CSMD1: variants seen among roughly 807,000 people sequenced by gnomAD.
The protein encoded by CSMD1 is CUB and sushi domain-containing protein 1.
CSMD1 carries 213 observed loss-of-function variants against 417.5 expected under a neutral mutation model. The ratio of observed to expected loss-of-function variants is 0.51; its 90% CI spans 0.46 to 0.57. The LOEUF (loss-of-function observed/expected upper bound fraction) is 0.57, where lower values mean the gene tolerates loss of function less well. CSMD1 is among the 20% of genes least tolerant of loss of function. CSMD1 has a pLI of 0.00. For missense variants in CSMD1, 6,923 were observed against 4,529.7 expected (o/e 1.53, Z -15.17); for synonymous variants, 2,862 against 1,736.8 (o/e 1.65, Z -16.11).
At chr8:3,402,609 T>C (rs1161539) in intron 15 of CSMD1, among the ~76,000 whole-genome samples, 48,323 of 152,068 alleles carry the variant, frequency 0.32, 8,228 homozygotes, top group East Asian at 0.63. Flanking sequence ...ATAAAAAAAT[T>C]GCTCTATTGT....
chr8:4,771,368 T>G (rs77735325), intron 1 of CSMD1, among the ~76,000 whole-genome samples: 1 of 152,238 alleles, frequency 6.6e-6, no homozygotes, highest in Non-Finnish European at 1.5e-5. Flanking sequence ...CTTTGGGCCC[T>G]CTTCAGGGAA....
chr8:4,399,763 T>C (rs1804524572), intron 3 of CSMD1, among the ~76,000 whole-genome samples: 1 of 152,196 alleles, frequency 6.6e-6, no homozygotes, highest in Non-Finnish European at 1.5e-5. Context: ...GCTCCTGAAT[T>C]TTCCTCATGT....
intron 2 of CSMD1, among the ~76,000 whole-genome samples, chr8:4,601,334 A>T (rs1800569024): frequency 6.6e-6 from 1 of 152,120 alleles, no homozygotes; most frequent in African/African-American, 2.4e-5. Flanking sequence ...CCCCTTGGAG[A>T]CAGAGGTGGA....
intron 3 of CSMD1, among the ~76,000 whole-genome samples, chr8:4,228,913 T>G (rs1801532608): frequency 6.6e-6 from 1 of 151,976 alleles, no homozygotes; most frequent in African/African-American, 2.4e-5. Flanking sequence ...AACTCCTGAC[T>G]GCCTCGGTCT....
At position 4,532,852 on chromosome 8, in the gene CSMD1, T is replaced by A. The variant is rs181080256; in HGVS notation, c.302+104490A>T. On this transcript the variant is annotated intron_variant, in intron 2 of 69. Coordinates refer to ENST00000635120, the MANE Select transcript of CSMD1 (RefSeq NM_033225.6). ...TTCAGTCACTCCGGAAAAGAAATGT[T>A]GCACCCCCATTCAGTCACTCCGGAA... Among the ~76,000 whole-genome samples, 5 of 143,204 alleles carry A rather than the reference T, an allele frequency of 3.5e-5. No homozygotes were observed. The East Asian group carries it at 1.1e-3, about 32-fold the overall frequency. The allele number at this position is 143,204 out of a possible 152,430, so 93.9% of individuals were successfully genotyped here. A position where few individuals can be genotyped will look rare whatever the true frequency, so the allele number is the denominator to read the frequency against.
intron 1 of CSMD1, among the ~76,000 whole-genome samples, chr8:4,834,977 AAAAGAAAGAAAG>A (rs1162672231): frequency 0.016 from 506 of 32,140 alleles, 15 homozygotes; most frequent in African/African-American, 0.025. Flanking sequence ...AAAAAAAAAA[AAAAGAAAGAAAG>A]AAAGAAAGAA....
At position 3,930,357 on chromosome 8, in the gene CSMD1, T is replaced by C. The variant is rs1262927036; in HGVS notation, c.818+67546A>G. ...CTGCCAGCCATAATAAAGAAATCAA[T>C]GTATTTTATGTTCTTAGCTCACACA... On this transcript the variant is annotated intron_variant, in intron 5 of 69. Transcript: ENST00000635120. 3.3e-5 allele frequency among the ~76,000 whole-genome samples: 5 copies of C among 150,642 alleles called. 1 individual carries two copies. The highest frequency in any genetic ancestry group is 4.9e-5 in the African/African-American group (2 of 40,850).
At chr8:3,716,561 C>G (rs1359424313) in intron 6 of CSMD1, among the ~76,000 whole-genome samples, 1 of 152,134 alleles carries the variant, frequency 6.6e-6, no homozygotes, top group Non-Finnish European at 1.5e-5. Context: ...TCGTCCCCGT[C>G]TTGGTTTCGG....
intron 3 of CSMD1, among the ~76,000 whole-genome samples, chr8:4,121,785 T>C (rs924895102): frequency 6.6e-6 from 1 of 152,030 alleles, no homozygotes; most frequent in Admixed American, 6.6e-5. Context: ...AATATTACAG[T>C]ACATCACTTA....
At chr8:3,020,854 T>C (rs1036646747) in intron 51 of CSMD1, among the ~76,000 whole-genome samples, 1 of 152,240 alleles carries the variant, frequency 6.6e-6, no homozygotes, top group Admixed American at 6.5e-5. Context: ...ATTGCTAAAC[T>C]ATTACAGTGT....
chr8:3,289,037 T>C (rs1417532373), intron 25 of CSMD1, among the ~76,000 whole-genome samples: 1 of 146,942 alleles, frequency 6.8e-6, no homozygotes, highest in Non-Finnish European at 1.5e-5. Flanking sequence ...CCGTGTGTTC[T>C]CATTGTTCAA....
chr8:4,468,553 C>T (rs1258854570), intron 2 of CSMD1, among the ~76,000 whole-genome samples: 1 of 152,150 alleles, frequency 6.6e-6, no homozygotes, highest in African/African-American at 2.4e-5. Flanking sequence ...CTCTTGTCCC[C>T]AGCTAAATCC....
chr8:4,028,406 G>A (rs1057040743), intron 4 of CSMD1, among the ~76,000 whole-genome samples: 1 of 152,082 alleles, frequency 6.6e-6, no homozygotes, highest in African/African-American at 2.4e-5. Context: ...ATACTAGCTT[G>A]TGGGGTGGTG....
intron 1 of CSMD1, among the ~76,000 whole-genome samples, chr8:4,825,510 C>G (rs572437999): frequency 6.6e-6 from 1 of 151,960 alleles, no homozygotes; most frequent in Non-Finnish European, 1.5e-5. Flanking sequence ...TTTTCCTTCC[C>G]CTGGCCCCTG....
At chr8:4,068,459 G>C (rs1426327751) in intron 3 of CSMD1, among the ~76,000 whole-genome samples, 1 of 152,154 alleles carries the variant, frequency 6.6e-6, no homozygotes, top group African/African-American at 2.4e-5. Flanking sequence ...TTAGAAAGAA[G>C]TCTTTCATGA....
At chr8:3,144,112 A>G (rs1469703687) in intron 40 of CSMD1, among the ~76,000 whole-genome samples, 1 of 152,194 alleles carries the variant, frequency 6.6e-6, no homozygotes, top group Admixed American at 6.5e-5. Flanking sequence ...CGATTTGCCA[A>G]CCAAGTTTGC....
intron 6 of CSMD1, among the ~76,000 whole-genome samples, chr8:3,722,642 G>C (rs1802253463): frequency 6.6e-6 from 1 of 152,148 alleles, no homozygotes; most frequent in Non-Finnish European, 1.5e-5. Flanking sequence ...GTTTGGTCCA[G>C]GCATGAAATG....
At chr8:4,419,120 T>C (rs1797108321) in intron 3 of CSMD1, among the ~76,000 whole-genome samples, 1 of 152,154 alleles carries the variant, frequency 6.6e-6, no homozygotes, top group Non-Finnish European at 1.5e-5. Flanking sequence ...TAGTAGCAAA[T>C]GACATCCCAA....
intron 10 of CSMD1, among the ~76,000 whole-genome samples, chr8:3,537,867 C>T (rs1798269372): frequency 6.6e-6 from 1 of 152,166 alleles, no homozygotes; most frequent in Non-Finnish European, 1.5e-5. Context: ...ATTCAGGAGC[C>T]TCTTCTCCCA....
Sources: allele counts gnomAD v4.1 joint callset (sites outside exome capture counted in the v4.1 genomes callset), GRCh38; gene constraint gnomAD v4.1.1; transcripts MANE v1.5; gene names NCBI Gene and HGNC (gene_info 2026-07-23, HGNC 2026-07-21).